The following RANBP17 variants were observed in gnomAD, a reference collection of about 807,000 sequenced individuals.
RANBP17 encodes the protein ran-binding protein 17.
RANBP17 carries 158 observed loss-of-function variants against 141.2 expected under a neutral mutation model. That is an observed-to-expected ratio of 1.12 (90% confidence interval 0.98 to 1.28). The LOEUF is 1.28. Ranked by LOEUF, RANBP17 falls within the 50% of genes most tolerant of loss-of-function variation. The pLI, the probability that RANBP17 is intolerant of heterozygous loss-of-function variation, is 0.00. For missense variants in RANBP17, 1,438 were observed against 1,290.7 expected (o/e 1.11, Z -1.75); for synonymous variants, 430 against 450.0 (o/e 0.96, Z 0.56).
At chr5:170,901,575 G>A (rs1770639649) in intron 5 of RANBP17, among the ~76,000 whole-genome samples, 1 of 152,160 alleles carries the variant, frequency 6.6e-6, no homozygotes, top group Non-Finnish European at 1.5e-5. Flanking sequence ...GATTGTAGCT[G>A]GTTATTATGC....
chr5:170,865,752 G>A (rs999919181), intron 1 of RANBP17, among the ~76,000 whole-genome samples: 6 of 152,146 alleles, frequency 3.9e-5, no homozygotes, highest in African/African-American at 1.4e-4. Context: ...TGCAAGTTTG[G>A]GGGTTTCCCA....
intron 14 of RANBP17, among the ~76,000 whole-genome samples, chr5:171,026,408 C>T (rs2127611293): frequency 1.3e-5 from 2 of 152,272 alleles, no homozygotes; most frequent in East Asian, 3.9e-4. Flanking sequence ...TTATACTCTA[C>T]CACTGTATGT....
chr5:170,882,597 G>T (rs889144833), intron 3 of RANBP17, among the ~76,000 whole-genome samples: 1 of 152,130 alleles, frequency 6.6e-6, no homozygotes, highest in African/African-American at 2.4e-5. Context: ...CCTGTTTAGA[G>T]TCCAGGCTTT....
At chr5:171,112,313 T>C (rs1296090434) in intron 14 of RANBP17, among the ~76,000 whole-genome samples, 5 of 152,084 alleles carry the variant, frequency 3.3e-5, no homozygotes, top group Non-Finnish European at 7.4e-5. Flanking sequence ...ATCTGTAAAA[T>C]TTTTTTCAGT....
chr5:171,189,452 A>G (rs902400998), intron 18 of RANBP17, among the ~76,000 whole-genome samples: 3 of 152,204 alleles, frequency 2.0e-5, no homozygotes, highest in African/African-American at 7.2e-5. Flanking sequence ...TATCTTTTTT[A>G]TATTTTTCTA....
At chr5:170,952,617 C>T (rs1775295593) in intron 12 of RANBP17, among the ~76,000 whole-genome samples, 1 of 151,864 alleles carries the variant, frequency 6.6e-6, no homozygotes, top group South Asian at 2.1e-4. Context: ...AAGCAGATAG[C>T]CTCTTTTCTT....
At chr5:170,908,427 A>G (rs1771248037) in intron 5 of RANBP17, among the ~76,000 whole-genome samples, 1 of 151,808 alleles carries the variant, frequency 6.6e-6, no homozygotes, top group Admixed American at 6.6e-5. Flanking sequence ...AAAACCAAAT[A>G]CCACATGTTC....
chr5:171,232,992 T>C (rs1177261201), intron 22 of RANBP17, among the ~76,000 whole-genome samples: 1 of 152,178 alleles, frequency 6.6e-6, no homozygotes, highest in Non-Finnish European at 1.5e-5. Context: ...CAGCAGTTGC[T>C]GTTCCAGGTT....
At chr5:171,248,339 C>T (rs975519606) in intron 24 of RANBP17, among the ~76,000 whole-genome samples, 2 of 150,520 alleles carry the variant, frequency 1.3e-5, no homozygotes, top group Non-Finnish European at 3.0e-5. Context: ...TGCACTCCAG[C>T]CTGGGCAACA....
At chr5:170,961,188 T>A (rs1357524533) in intron 13 of RANBP17, among the ~76,000 whole-genome samples, 1 of 152,172 alleles carries the variant, frequency 6.6e-6, no homozygotes, top group African/African-American at 2.4e-5. Flanking sequence ...TATCTTCCTC[T>A]TGATAGATTA....
At chr5:171,274,404 A>C in intron 25 of RANBP17, among the ~76,000 whole-genome samples, 1 of 152,140 alleles carries the variant, frequency 6.6e-6, no homozygotes, top group East Asian at 1.9e-4. Context: ...TTATGAAAGT[A>C]CTTATCTATC....
At chr5:170,864,219 G>A (rs1383346980) in intron 1 of RANBP17, among the ~76,000 whole-genome samples, 2 of 152,130 alleles carry the variant, frequency 1.3e-5, no homozygotes, top group African/African-American at 4.8e-5. Flanking sequence ...CATTACCTCT[G>A]TCTTACTGTC....
intron 23 of RANBP17, 36 bp from the exon 24 acceptor site, chr5:171,242,646 C>G: frequency 1.2e-6 from 2 of 1,600,256 alleles, no homozygotes; most frequent in South Asian, 2.3e-5. Context: ...TTTTTCTTCT[C>G]TGTGGCTTGA....
chr5:171,267,633 C>G (rs1486608975), intron 25 of RANBP17, among the ~76,000 whole-genome samples: 1 of 151,904 alleles, frequency 6.6e-6, no homozygotes, highest in African/African-American at 2.4e-5. Flanking sequence ...ATGGCGAAAC[C>G]CTGTCTCTAC....
At chr5:171,161,087 C>T (rs570234690) in intron 14 of RANBP17, among the ~76,000 whole-genome samples, 16 of 152,174 alleles carry the variant, frequency 1.1e-4, no homozygotes, top group Non-Finnish European at 1.9e-4. Flanking sequence ...CCACCGCGCC[C>T]GGCTGAGATT....
At chr5:171,205,655 G>A (rs1762538869) in intron 20 of RANBP17, 43 bp downstream of exon 20, 2 of 1,481,392 alleles carry the variant, frequency 1.4e-6, no homozygotes, top group Non-Finnish European at 1.9e-6. Context: ...TGTGCACAGA[G>A]GGATGCCAGG....
chr5:170,914,390 C>T (rs1771778546), intron 8 of RANBP17, 150 bp downstream of exon 8: 1 of 601,208 alleles, frequency 1.7e-6, no homozygotes, highest in Non-Finnish European at 2.9e-6. Context: ...ACTGCTTAAA[C>T]TATTTGTCAA....
At chr5:170,998,844 T>C (rs1779011243) in intron 14 of RANBP17, among the ~76,000 whole-genome samples, 1 of 152,146 alleles carries the variant, frequency 6.6e-6, no homozygotes, top group African/African-American at 2.4e-5. Context: ...TTCTAGTAAT[T>C]TTTCATTTGT....
intron 14 of RANBP17, among the ~76,000 whole-genome samples, chr5:170,969,522 T>G (rs896779930): frequency 3.3e-5 from 5 of 152,004 alleles, no homozygotes; most frequent in African/African-American, 1.2e-4. Flanking sequence ...TAAATTTTCT[T>G]GTTTAATATG....
Sources: gnomAD v4.1 joint callset for allele counts (sites outside exome capture counted in the v4.1 genomes callset) on GRCh38, gnomAD v4.1.1 for gene constraint, MANE v1.5 for transcripts, NCBI Gene and HGNC (gene_info 2026-07-23, HGNC 2026-07-21) for gene names.